The following SYNE1 variants were observed in gnomAD, a reference collection of about 807,000 sequenced individuals.
SYNE1 encodes spectrin repeat containing nuclear envelope protein 1, also known as nesprin-1.
Under a neutral mutation model 1,111.0 loss-of-function variants are expected in SYNE1, and 616 were observed. That is an observed-to-expected ratio of 0.55 (90% CI 0.52 to 0.59). The LOEUF is 0.59. Among genes scored for constraint, SYNE1 ranks in the 20% least tolerant of loss-of-function variants. SYNE1 has a pLI of 0.00. For synonymous variants in SYNE1, 3,855 were observed against 3,825.8 expected, an observed-to-expected ratio of 1.01 and a Z score of -0.28; for missense variants, 10,006 against 10,417.0, an observed-to-expected ratio of 0.96 and a Z score of 1.72.
chr6:152,426,104 T>C (rs1433415553), intron 38 of SYNE1, among the ~76,000 whole-genome samples: 1 of 152,172 alleles, frequency 6.6e-6, no homozygotes, highest in African/African-American at 2.4e-5. Context: ...ATGTAATCAG[T>C]CAACGAATCT....
In SYNE1 at chr6:152,428,334, G is replaced by A; in HGVS notation, c.4847C>T (p.Ala1616Val). Residue 1616 changes from alanine to valine, a missense_variant, in exon 37 of 146, where the codon GCC becomes GTC. Physicochemically the swap from Ala to Val is moderately conservative, Grantham distance 64 (BLOSUM62 0). Around this residue, in one of 7 missense-constraint regions of SYNE1, gnomAD observed 1,971 missense variants for 2,084.1 expected, o/e 0.95. Coordinates refer to ENST00000367255, the MANE Select transcript of SYNE1 (RefSeq NM_182961.4). ...SSAITAFSAS[A>V]RKVVNRDSCV... ...GGAATCTCTGTTCACAACCTTCCTG[G>A]CACTGGCTGAGAAGGCAGTGATCGC... 1 of 1,614,104 alleles carries A rather than the reference G, an allele frequency of 6.2e-7. No individual in the cohort carries two copies. Among genetic ancestry groups the A allele is most frequent in the Non-Finnish European group, 8.5e-7 (1 of 1,180,022 alleles).
At chr6:152,610,372 G>A (rs1430030589) in intron 3 of SYNE1, among the ~76,000 whole-genome samples, 4 of 152,098 alleles carry the variant, frequency 2.6e-5, no homozygotes, top group Non-Finnish European at 4.4e-5. Context: ...TAGCCGATTC[G>A]ATCAAGTGGA....
chr6:152,132,014 C>T (rs1562893972), intron 144 of SYNE1, 108 bp downstream of exon 144: 1 of 989,496 alleles, frequency 1.0e-6, no homozygotes, highest in South Asian at 1.3e-5. Context: ...TGTGACAGCC[C>T]TCCTCTGGAG....
rs1036755147 is a variant in SYNE1, at chr6:152,441,160, T to G, written c.4119A>C (p.Glu1373Asp). ...TTTGTTCCAGTTCTGAAGATAAACT[T>G]TCCAAACTGCTAAAACTCAAGAAGC... ...HERFLSFSSL[E>D]SLSSELEQTK... The change falls in exon 32 of 146, where the codon GAA becomes GAC. Residue 1373 changes from glutamate to aspartate, a missense_variant. By Grantham distance (45) the Glu-to-Asp change is conservative (BLOSUM62 2). Transcript: ENST00000367255. 1 of 1,613,736 alleles carries G rather than the reference T, an allele frequency of 6.2e-7. No individual in the cohort carries two copies. The highest frequency in any genetic ancestry group is 8.5e-7 in the Non-Finnish European group (1 of 1,179,874).
intron 4 of SYNE1, among the ~76,000 whole-genome samples, chr6:152,531,709 T>C (rs1199801887): frequency 6.6e-6 from 1 of 152,222 alleles, no homozygotes; most frequent in African/African-American, 2.4e-5. Flanking sequence ...TTGAATGATT[T>C]TGACTACTCT....
rs1415712217 is a variant in SYNE1 at position 152,218,205 on chromosome 6, T to C, written c.22191+52A>G. 1.3e-5 allele frequency: 21 copies of C among 1,608,600 alleles called. No individual in the cohort carries two copies. The East Asian group carries it at 4.7e-4, about 36-fold the overall frequency. On this transcript the variant is annotated intron_variant, in intron 121 of 145. Transcript: ENST00000367255. ...AGACTCCATCTCAAAAAAAAAAAGA[T>C]TTTTGAAGACAGATGGTAAAAGATC...
intron 87 of SYNE1, 138 bp from the exon 88 acceptor site, chr6:152,311,011 T>A (rs1016195979): frequency 1.8e-5 from 15 of 826,306 alleles, no homozygotes; most frequent in African/African-American, 8.5e-5. Flanking sequence ...CCATGACCAC[T>A]TTCTACTTGG....
At position 152,225,707 on chromosome 6, in the gene SYNE1, G is replaced by C; in HGVS notation, c.21351+14C>G. ...AACACGGTCCTGGAGCTGGCTTTCT[G>C]TGAGCAATATTACCATGTGATCTAA... On this transcript the variant is annotated intron_variant, in intron 116 of 145. Transcript: ENST00000367255. The C allele has an allele frequency of 6.2e-7, 1 of 1,614,086 alleles. No homozygotes were observed. Among genetic ancestry groups the C allele is most frequent in the Non-Finnish European group, 8.5e-7 (1 of 1,179,958 alleles).
chr6:152,577,619 C>G (rs1006227916), intron 3 of SYNE1, among the ~76,000 whole-genome samples: 1 of 151,862 alleles, frequency 6.6e-6, no homozygotes, highest in African/African-American at 2.4e-5. Context: ...GGGGACAGAG[C>G]GAGACTCCAT....
rs1235840256 is a variant in SYNE1, at chr6:152,520,560, A to G, written c.226-18T>C. 3 of 1,613,200 alleles carry G rather than the reference A, an allele frequency of 1.9e-6. No individual in the cohort carries two copies. In the East Asian group the frequency reaches 6.7e-5, roughly 36 times the overall value. Reference sequence around the variant, plus strand: ...TCACAAGGCTGTAAAAAGTGGGGTAAAAAAGGGAATGAGACAAAATCTGCA... The same window carrying G: ...TCACAAGGCTGTAAAAAGTGGGGTAGAAAAGGGAATGAGACAAAATCTGCA... On this transcript the variant is annotated intron_variant, in intron 5 of 145. Transcript: ENST00000367255.
At position 152,387,196 on chromosome 6, in the gene SYNE1, C is replaced by T; in HGVS notation, c.8363G>A (p.Arg2788Lys). Residue 2788 changes from arginine to lysine, a missense_variant, in exon 54 of 146, where the codon AGA (arginine) becomes AAA (lysine). Physicochemically the swap from Arg to Lys is conservative, Grantham distance 26 (BLOSUM62 2). Transcript: ENST00000367255. ...CTTCGCAATTAGACGGTGAAGGGCT[C>T]TCGTGTGATCTTCTGCCTCAGACAG... ...SILSEAEDHTRALHRLIAKSR... is the reference protein window; with the variant it reads ...SILSEAEDHTKALHRLIAKSR... 1 of 1,614,142 alleles carries T rather than the reference C, an allele frequency of 6.2e-7. No homozygotes were observed. Among genetic ancestry groups the T allele is most frequent in the South Asian group, 1.1e-5 (1 of 91,078 alleles).
intron 34 of SYNE1, chr6:152,433,545 T>C: frequency 1.9e-6 from 1 of 518,486 alleles, no homozygotes. Flanking sequence ...CATAAAAATA[T>C]TTTAATGATA....
chr6:152,257,105 C>T (rs1171106184), intron 101 of SYNE1, among the ~76,000 whole-genome samples: 1 of 152,132 alleles, frequency 6.6e-6, no homozygotes, highest in Non-Finnish European at 1.5e-5. Flanking sequence ...TTCTGAATGT[C>T]TCTACCGCAA....
At chr6:152,339,009 G>A (rs781549102) in intron 75 of SYNE1, among the ~76,000 whole-genome samples, 1 of 152,194 alleles carries the variant, frequency 6.6e-6, no homozygotes, top group Non-Finnish European at 1.5e-5. Context: ...AATGGGCAGC[G>A]AATGAATGGG....
At chr6:152,141,103 G>A in intron 139 of SYNE1, 100 bp downstream of exon 139, 1 of 1,516,552 alleles carries the variant, frequency 6.6e-7, no homozygotes, top group Non-Finnish European at 9.1e-7. Context: ...ATAGAACGGT[G>A]TAGAAGAAGG....
chr6:152,609,996 C>T (rs2128772016), intron 3 of SYNE1, among the ~76,000 whole-genome samples: 1 of 152,280 alleles, frequency 6.6e-6, no homozygotes, highest in South Asian at 2.1e-4. Context: ...TGTAGGTCAC[C>T]AACATCAAAG....
intron 3 of SYNE1, among the ~76,000 whole-genome samples, chr6:152,611,183 TAA>T: frequency 6.6e-6 from 1 of 152,298 alleles, no homozygotes; most frequent in East Asian, 1.9e-4. Flanking sequence ...ATGCCTCAAT[TAA>T]AAGATACAGA....
chr6:152,511,564 T>A, intron 6 of SYNE1: 1 of 1,612,626 alleles, frequency 6.2e-7, no homozygotes, highest in East Asian at 2.2e-5. Context: ...CTAAAATTTG[T>A]ACTAACCGGT....
chr6:152,376,088 C>G, intron 58 of SYNE1: 1 of 345,276 alleles, frequency 2.9e-6, no homozygotes, highest in Admixed American at 4.4e-5. Context: ...CTCAGATCAT[C>G]AGGCATTAGT....
Sources: allele counts gnomAD v4.1 joint callset (sites outside exome capture counted in the v4.1 genomes callset), GRCh38; gene constraint gnomAD v4.1.1; regional missense constraint gnomAD v4.1.1; transcripts MANE v1.5; gene names NCBI Gene and HGNC (gene_info 2026-07-23, HGNC 2026-07-21).